SGCZ: variants seen among roughly 807,000 people sequenced by gnomAD.
The protein encoded by SGCZ is zeta-sarcoglycan.
A neutral mutation model predicts 41.3 loss-of-function variants in SGCZ; 40 were observed. The observed-to-expected ratio is 0.97, with a 90% confidence interval of 0.75 to 1.26. The LOEUF is 1.26. Among genes scored for constraint, SGCZ ranks in the 50% most tolerant of loss-of-function variants. The probability of loss-of-function intolerance (pLI) is 0.00; values close to 1 mark genes in which losing one functional copy is unlikely to be tolerated. For missense variants in SGCZ, 552 were observed against 369.8 expected (o/e 1.49, Z -4.04); for synonymous variants, 206 against 137.5 (o/e 1.50, Z -3.49).
chr8:14,593,091 C>T (rs1405691479), intron 1 of SGCZ, among the ~76,000 whole-genome samples: 1 of 152,062 alleles, frequency 6.6e-6, no homozygotes, highest in African/African-American at 2.4e-5. Flanking sequence ...ACCTCCTCAC[C>T]CCCAAAGATG....
intron 1 of SGCZ, among the ~76,000 whole-genome samples, chr8:14,802,931 C>A (rs1044828763): frequency 6.6e-6 from 1 of 152,166 alleles, no homozygotes; most frequent in Non-Finnish European, 1.5e-5. Context: ...GCAGCAGGAC[C>A]TTATAAAACT....
intron 3 of SGCZ, among the ~76,000 whole-genome samples, chr8:14,315,247 A>G (rs1801677291): frequency 6.6e-6 from 1 of 152,156 alleles, no homozygotes; most frequent in South Asian, 2.1e-4. Flanking sequence ...TTGTTGTGAA[A>G]TCAAATTCAA....
chr8:15,178,842 G>C (rs1000839056), intron 1 of SGCZ, among the ~76,000 whole-genome samples: 8 of 152,156 alleles, frequency 5.3e-5, no homozygotes, highest in Admixed American at 3.9e-4. Flanking sequence ...TCCACAAACT[G>C]TATTTTACCC....
chr8:14,430,184 A>C (rs915713582), intron 2 of SGCZ, among the ~76,000 whole-genome samples: 1 of 152,154 alleles, frequency 6.6e-6, no homozygotes, highest in Non-Finnish European at 1.5e-5. Flanking sequence ...AATCCTCCCT[A>C]CATCATTCTA....
intron 2 of SGCZ, among the ~76,000 whole-genome samples, chr8:14,461,235 C>G (rs1034004627): frequency 6.6e-6 from 1 of 152,216 alleles, no homozygotes; most frequent in East Asian, 1.9e-4. Flanking sequence ...TGGCAGTAGT[C>G]CTATGAACAG....
intron 3 of SGCZ, among the ~76,000 whole-genome samples, chr8:14,249,027 G>C (rs1359025638): frequency 6.6e-6 from 1 of 152,156 alleles, no homozygotes; most frequent in Non-Finnish European, 1.5e-5. Context: ...GTGTCAGTTA[G>C]ACTGGAGATG....
At chr8:14,816,161 G>C (rs901358127) in intron 1 of SGCZ, among the ~76,000 whole-genome samples, 3 of 152,134 alleles carry the variant, frequency 2.0e-5, no homozygotes, top group Non-Finnish European at 4.4e-5. Context: ...AAGATGCAGT[G>C]GGAATTAGAC....
chr8:14,729,277 G>A lies in SGCZ; in HGVS notation c.40-174351C>T, dbSNP rs537037900. On this transcript the variant is annotated intron_variant, in intron 1 of 7. Coordinates refer to ENST00000382080, the MANE Select transcript of SGCZ (RefSeq NM_139167.4). ...ATGACTGCCCACCAAAGCCTTGGCT[G>A]ATCCACACCTATGGACCACATGAAT... is the stretch of plus-strand genomic sequence containing the variant. 3.2e-3 allele frequency among the ~76,000 whole-genome samples: 485 copies of A among 152,288 alleles called. 2 individuals carry two copies. Among genetic ancestry groups the A allele is most frequent in the Non-Finnish European group, 5.2e-3 (353 of 68,030 alleles).
At chr8:14,675,372 T>C (rs1808241049) in intron 1 of SGCZ, among the ~76,000 whole-genome samples, 1 of 152,038 alleles carries the variant, frequency 6.6e-6, no homozygotes, top group Middle Eastern at 3.4e-3. Flanking sequence ...GTACAACATA[T>C]ATTTATTGTT....
intron 1 of SGCZ, among the ~76,000 whole-genome samples, chr8:14,748,471 G>C (rs1799402460): frequency 6.6e-6 from 1 of 152,042 alleles, no homozygotes. Context: ...TTTTGCCCCA[G>C]GTATTCCCCA....
At chr8:14,888,226 A>G (rs2130737076) in intron 1 of SGCZ, among the ~76,000 whole-genome samples, 1 of 152,314 alleles carries the variant, frequency 6.6e-6, no homozygotes, top group African/African-American at 2.4e-5. Flanking sequence ...TAAATGACAA[A>G]AGATGGCTAA....
At chr8:14,781,273 C>T (rs1338020594) in intron 1 of SGCZ, among the ~76,000 whole-genome samples, 1 of 152,064 alleles carries the variant, frequency 6.6e-6, no homozygotes, top group Non-Finnish European at 1.5e-5. Flanking sequence ...ATTGTGTCAC[C>T]CAGGCTAGAG....
intron 2 of SGCZ, among the ~76,000 whole-genome samples, chr8:14,408,953 G>T (rs1799284433): frequency 8.5e-6 from 1 of 118,090 alleles, no homozygotes. Flanking sequence ...AATTAAGAGA[G>T]TGTGTGTGTG....
At chr8:14,773,679 G>C (rs1800314963) in intron 1 of SGCZ, among the ~76,000 whole-genome samples, 1 of 152,114 alleles carries the variant, frequency 6.6e-6, no homozygotes, top group African/African-American at 2.4e-5. Flanking sequence ...TTTTGCCTCA[G>C]AGCAAAGGGA....
chr8:14,853,606 T>C (rs1034302206), intron 1 of SGCZ: 19 of 408,616 alleles, frequency 4.6e-5, no homozygotes, highest in African/African-American at 3.9e-4. Flanking sequence ...GTCACTGAAG[T>C]GGTTTGCTTT....
intron 4 of SGCZ, among the ~76,000 whole-genome samples, chr8:14,194,021 A>C (rs1805188932): frequency 6.6e-6 from 1 of 151,814 alleles, no homozygotes; most frequent in Non-Finnish European, 1.5e-5. Flanking sequence ...TGATGGGACA[A>C]TAGTTTTTTT....
rs369417101 is a variant in SGCZ, at chr8:14,594,622, C to T, written c.40-39696G>A. Among the ~76,000 whole-genome samples, 4 of 151,954 alleles carry T rather than the reference C, an allele frequency of 2.6e-5. No individual in the cohort carries two copies. In the East Asian group the frequency reaches 7.7e-4, roughly 29 times the overall value. ...GTTATTTGATACTCTGGATAGTTTT[C>T]TCCTAATTGATGTATTTATTTGCGA... On this transcript the variant is annotated intron_variant, in intron 1 of 7. Coordinates refer to ENST00000382080, the MANE Select transcript of SGCZ (RefSeq NM_139167.4).
intron 2 of SGCZ, among the ~76,000 whole-genome samples, chr8:14,326,176 GC>G (rs1802106512): frequency 7.1e-6 from 1 of 141,692 alleles, no homozygotes; most frequent in Non-Finnish European, 1.5e-5. Flanking sequence ...CTATGGATAA[GC>G]AAGCCCAACG....
intron 1 of SGCZ, among the ~76,000 whole-genome samples, chr8:14,807,547 A>T (rs1563283473): frequency 6.6e-6 from 1 of 151,914 alleles, no homozygotes; most frequent in Non-Finnish European, 1.5e-5. Flanking sequence ...CTCTTCAAGG[A>T]GAACTACAAA....
Sources: gnomAD v4.1 joint callset for allele counts (sites outside exome capture counted in the v4.1 genomes callset) on GRCh38, gnomAD v4.1.1 for gene constraint, MANE v1.5 for transcripts, NCBI Gene and HGNC (gene_info 2026-07-23, HGNC 2026-07-21) for gene names.